Variants in CNTN4 observed in about 807,000 individuals in gnomAD.
The protein encoded by CNTN4 is contactin-4.
In CNTN4, 77 loss-of-function variants were observed where a neutral mutation model predicts 122.5. That is an observed-to-expected ratio of 0.63 (90% confidence interval 0.52 to 0.76). The LOEUF is 0.76. Ranked by LOEUF, CNTN4 falls within the 30% of genes least tolerant of loss-of-function variation. The probability of loss-of-function intolerance (pLI) is 0.00; values close to 1 mark genes in which losing one functional copy is unlikely to be tolerated. For synonymous variants in CNTN4, 512 were observed against 447.0 expected, an observed-to-expected ratio of 1.15 and a Z score of -1.83; for missense variants, 1,256 against 1,259.1, an observed-to-expected ratio of 1.00 and a Z score of 0.04.
intron 3 of CNTN4, among the ~76,000 whole-genome samples, chr3:2,443,099 T>C (rs1403558806): frequency 2.0e-5 from 3 of 151,910 alleles, no homozygotes; most frequent in Non-Finnish European, 2.9e-5. Context: ...GACGTGTGTT[T>C]ACCTGTGTAA....
chr3:2,645,006 G>T (rs1201788372), intron 4 of CNTN4, among the ~76,000 whole-genome samples: 1 of 151,696 alleles, frequency 6.6e-6, no homozygotes, highest in Non-Finnish European at 1.5e-5. Context: ...TTAAAGATGG[G>T]TGTGGAGGAG....
At chr3:2,823,831 A>G (rs1301578075) in intron 7 of CNTN4, among the ~76,000 whole-genome samples, 1 of 152,158 alleles carries the variant, frequency 6.6e-6, no homozygotes, top group Non-Finnish European at 1.5e-5. Context: ...ATTTTATGTC[A>G]CCAAGATGCT....
At chr3:2,580,847 C>A (rs953135288) in intron 4 of CNTN4, among the ~76,000 whole-genome samples, 3 of 152,238 alleles carry the variant, frequency 2.0e-5, no homozygotes, top group Non-Finnish European at 4.4e-5. Flanking sequence ...AGGTATTATC[C>A]TAAGTTCATA....
In CNTN4 at chr3:2,981,301, G is replaced by T. The variant is rs538374281; in HGVS notation, c.1359-7044G>T. ...CTACTAAAAATACAAAAAATTAGCCGGGCGTGGTGGCGGGCGCCTGTAGTC... is the reference window on the plus strand; with the variant it reads ...CTACTAAAAATACAAAAAATTAGCCTGGCGTGGTGGCGGGCGCCTGTAGTC... On this transcript the variant is annotated intron_variant, in intron 13 of 24. Transcript: ENST00000418658. 3.3e-5 allele frequency among the ~76,000 whole-genome samples: 5 copies of T among 151,762 alleles called. No homozygotes were observed. The East Asian group carries it at 9.8e-4, about 30-fold the overall frequency.
intron 2 of CNTN4, chr3:2,262,391 T>C (rs2040867804): frequency 6.6e-6 from 1 of 152,168 alleles, no homozygotes; most frequent in Non-Finnish European, 1.5e-5. Flanking sequence ...TTGGACTGTT[T>C]CGCAACTTTA....
At chr3:2,700,459 C>T (rs897659573) in intron 4 of CNTN4, among the ~76,000 whole-genome samples, 1 of 152,144 alleles carries the variant, frequency 6.6e-6, no homozygotes, top group African/African-American at 2.4e-5. Context: ...TCATTTCCAA[C>T]AATGCAAAAA....
chr3:2,805,988 A>G (rs1165199359), intron 6 of CNTN4, among the ~76,000 whole-genome samples: 1 of 151,506 alleles, frequency 6.6e-6, no homozygotes, highest in African/African-American at 2.4e-5. Flanking sequence ...TGCAAGCTCC[A>G]TCTCCCGGGT....
intron 4 of CNTN4, among the ~76,000 whole-genome samples, chr3:2,731,181 A>G (rs941418228): frequency 5.3e-5 from 8 of 152,100 alleles, no homozygotes; most frequent in African/African-American, 9.7e-5. Flanking sequence ...CAGAGACACT[A>G]TGTTTTACTT....
chr3:2,688,846 C>T (rs978915869), intron 4 of CNTN4, among the ~76,000 whole-genome samples: 43 of 152,284 alleles, frequency 2.8e-4, no homozygotes, highest in African/African-American at 9.9e-4. Context: ...ATTTCTGTGG[C>T]CCAGTCACTA....
At chr3:2,120,534 C>T (rs1316013185) in intron 2 of CNTN4, among the ~76,000 whole-genome samples, 1 of 150,546 alleles carries the variant, frequency 6.6e-6, no homozygotes, top group Non-Finnish European at 1.5e-5. Flanking sequence ...TCCCGAGTAG[C>T]TGGGATTACA....
At chr3:2,648,109 T>C (rs566242888) in intron 4 of CNTN4, among the ~76,000 whole-genome samples, 26 of 152,178 alleles carry the variant, frequency 1.7e-4, no homozygotes, top group Admixed American at 3.9e-4. Flanking sequence ...CCTGTCAAAA[T>C]GCCACTTTGC....
At chr3:2,211,804 T>C (rs972604803) in intron 2 of CNTN4, among the ~76,000 whole-genome samples, 20 of 152,226 alleles carry the variant, frequency 1.3e-4, no homozygotes, top group Non-Finnish European at 2.5e-4. Context: ...AACAAGCATT[T>C]ACCAAGTATT....
rs149069188 is a variant in CNTN4, at chr3:2,373,054, A to G, written c.-89+33821A>G. On this transcript the variant is annotated intron_variant, in intron 3 of 24. Transcript: ENST00000418658. ...ACAGTAAGACTCTGTCTCAAAAATCATAATAAAATAAGATAAATAGATTGA... is the reference window on the plus strand; with the variant it reads ...ACAGTAAGACTCTGTCTCAAAAATCGTAATAAAATAAGATAAATAGATTGA... Among the ~76,000 whole-genome samples the G allele has an allele frequency of 3.1e-3, 467 of 152,294 alleles. 7 individuals carry two copies. The highest frequency in any genetic ancestry group is 0.026 in the East Asian group (135 of 5,162).
intron 3 of CNTN4, among the ~76,000 whole-genome samples, chr3:2,496,077 A>T (rs2076444989): frequency 6.6e-6 from 1 of 152,194 alleles, no homozygotes; most frequent in Non-Finnish European, 1.5e-5. Flanking sequence ...GGGAGATATC[A>T]GTTGTCAGCA....
chr3:2,357,369 C>G (rs2044917021), intron 3 of CNTN4, among the ~76,000 whole-genome samples: 2 of 152,156 alleles, frequency 1.3e-5, no homozygotes, highest in African/African-American at 2.4e-5. Flanking sequence ...AAGCTAGATT[C>G]TGGTGATTCT....
At chr3:2,530,111 T>C (rs1363899008) in intron 3 of CNTN4, among the ~76,000 whole-genome samples, 1 of 152,172 alleles carries the variant, frequency 6.6e-6, no homozygotes, top group Non-Finnish European at 1.5e-5. Context: ...AATCTTGTAA[T>C]AAATCCACTG....
chr3:2,438,333 C>A (rs561440500), intron 3 of CNTN4, among the ~76,000 whole-genome samples: 17 of 152,136 alleles, frequency 1.1e-4, no homozygotes, highest in Admixed American at 2.0e-4. Flanking sequence ...ACCAGGCTGG[C>A]CAACGTGGTG....
At chr3:2,551,694 AT>A (rs2078513004) in intron 3 of CNTN4, among the ~76,000 whole-genome samples, 1 of 152,168 alleles carries the variant, frequency 6.6e-6, no homozygotes, top group Non-Finnish European at 1.5e-5. Context: ...AGTAAAAAAA[AT>A]ACCTTCCCTA....
intron 4 of CNTN4, among the ~76,000 whole-genome samples, chr3:2,678,964 T>G (rs1479773975): frequency 6.6e-6 from 1 of 152,202 alleles, no homozygotes; most frequent in Non-Finnish European, 1.5e-5. Context: ...CCTTTTTACA[T>G]TAAACTGAAA....
Sources: gnomAD v4.1 joint callset for allele counts (sites outside exome capture counted in the v4.1 genomes callset) on GRCh38, gnomAD v4.1.1 for gene constraint, MANE v1.5 for transcripts, NCBI Gene and HGNC (gene_info 2026-07-23, HGNC 2026-07-21) for gene names.